Variants in CNKSR2 observed in about 807,000 individuals in gnomAD.
The protein encoded by CNKSR2 is CNK homolog protein 2.
Under a neutral mutation model 84.4 loss-of-function variants are expected in CNKSR2, and 14 were observed. The ratio of observed to expected loss-of-function variants is 0.17; its 90% confidence interval spans 0.11 to 0.26. The LOEUF (loss-of-function observed/expected upper bound fraction) is 0.26, where lower values mean the gene tolerates loss of function less well. Among genes scored for constraint, CNKSR2 ranks in the 10% least tolerant of loss-of-function variants. The probability of loss-of-function intolerance (pLI) is 1.00; values close to 1 mark genes in which losing one functional copy is unlikely to be tolerated. For synonymous variants in CNKSR2, 275 were observed against 277.9 expected (o/e 0.99, Z 0.10); for missense variants, 485 against 771.2 (o/e 0.63, Z 4.40).
intron 11 of CNKSR2, among the ~76,000 whole-genome samples, chrX:21,534,040 T>C (rs1237759563): frequency 9.1e-6 from 1 of 110,288 alleles, no homozygotes; most frequent in African/African-American, 3.3e-5. Context: ...ACTTCTCTCA[T>C]GTAGCTGTAA....
intron 5 of CNKSR2, among the ~76,000 whole-genome samples, chrX:21,479,143 A>G (rs938561095): frequency 9.0e-6 from 1 of 111,608 alleles, no homozygotes; most frequent in Admixed American, 9.5e-5. Context: ...GCTCTCACTT[A>G]TACGTGAGAA....
intron 1 of CNKSR2, among the ~76,000 whole-genome samples, chrX:21,419,853 C>G (rs982039195): frequency 8.9e-6 from 1 of 112,396 alleles, no homozygotes; most frequent in Non-Finnish European, 1.9e-5. Context: ...CTGAAGCCAA[C>G]ACAGCACTAC....
chrX:21,635,419 C>CAT (rs1491127062), intron 20 of CNKSR2, among the ~76,000 whole-genome samples: 2 of 98,608 alleles, frequency 2.0e-5, no homozygotes, highest in South Asian at 4.5e-4. Flanking sequence ...TATATATACA[C>CAT]ATATATATGT....
chrX:21,431,075 A>G (rs1452664576), intron 2 of CNKSR2, among the ~76,000 whole-genome samples: 2 of 112,056 alleles, frequency 1.8e-5, no homozygotes, highest in Non-Finnish European at 3.8e-5. Context: ...TTAAATCTGT[A>G]GTGGTAACAT....
chrX:21,420,192 G>A (rs1362105614), intron 1 of CNKSR2, among the ~76,000 whole-genome samples: 2 of 112,532 alleles, frequency 1.8e-5, no homozygotes, highest in Non-Finnish European at 3.8e-5. Flanking sequence ...CAAAACCATG[G>A]TAAGTAGTGC....
chrX:21,395,804 GA>G (rs2090113625), intron 1 of CNKSR2, among the ~76,000 whole-genome samples: 1 of 111,347 alleles, frequency 9.0e-6, no homozygotes, highest in Admixed American at 9.5e-5. Flanking sequence ...TGGGCCCTCT[GA>G]ATTTTTCAGT....
At chrX:21,562,699 G>A (rs1018364852) in intron 12 of CNKSR2, among the ~76,000 whole-genome samples, 2 of 111,137 alleles carry the variant, frequency 1.8e-5, no homozygotes, top group African/African-American at 3.3e-5. Flanking sequence ...TGATGGGGAG[G>A]GGAACCATGT....
chrX:21,521,427 T>C (rs1193026953), intron 9 of CNKSR2, among the ~76,000 whole-genome samples: 1 of 110,897 alleles, frequency 9.0e-6, no homozygotes, highest in Non-Finnish European at 1.9e-5. Context: ...CCACATGCTT[T>C]CAAGATTTTA....
At chrX:21,398,138 G>A (rs1401711900) in intron 1 of CNKSR2, among the ~76,000 whole-genome samples, 1 of 111,680 alleles carries the variant, frequency 9.0e-6, no homozygotes, top group African/African-American at 3.3e-5. Flanking sequence ...AGTAATTATA[G>A]CAGTGTGATA....
intron 13 of CNKSR2, among the ~76,000 whole-genome samples, chrX:21,565,279 C>G (rs946106624): frequency 1.1e-4 from 12 of 111,188 alleles, no homozygotes; most frequent in Non-Finnish European, 2.1e-4. Flanking sequence ...ATACTGTGTG[C>G]GGAAGGAAAG....
chrX:21,514,362 T>C (rs2091705531), intron 8 of CNKSR2, among the ~76,000 whole-genome samples: 1 of 112,038 alleles, frequency 8.9e-6, no homozygotes, highest in Non-Finnish European at 1.9e-5. Flanking sequence ...AATAAAAGGC[T>C]GATTTAAAAA....
intron 21 of CNKSR2, among the ~76,000 whole-genome samples, chrX:21,651,564 T>C (rs769643047): frequency 2.4e-4 from 27 of 111,906 alleles, no homozygotes; most frequent in African/African-American, 8.8e-4. Context: ...GCAGAACATT[T>C]TCTACACTTC....
chrX:21,480,348 A>G (rs956943414), intron 5 of CNKSR2, among the ~76,000 whole-genome samples: 10 of 111,899 alleles, frequency 8.9e-5, no homozygotes, highest in Non-Finnish European at 1.9e-4. Context: ...AAATTTCCAG[A>G]AGCTTATCTA....
chrX:21,437,653 C>T (rs1027640852), intron 3 of CNKSR2, among the ~76,000 whole-genome samples: 3 of 109,401 alleles, frequency 2.7e-5, no homozygotes, highest in African/African-American at 1.0e-4. Flanking sequence ...CTCCTGACCT[C>T]GTGATCCACC....
chrX:21,525,782 C>A (rs760545873), intron 9 of CNKSR2, among the ~76,000 whole-genome samples: 1 of 111,274 alleles, frequency 9.0e-6, no homozygotes, highest in African/African-American at 3.2e-5. Flanking sequence ...AACTGTGAGT[C>A]TATATAAATA....
At chrX:21,500,263 A>T (rs746500686) in intron 7 of CNKSR2, among the ~76,000 whole-genome samples, 1 of 111,279 alleles carries the variant, frequency 9.0e-6, no homozygotes, top group South Asian at 3.7e-4. Flanking sequence ...AAATAATTTT[A>T]TTGTGAATTT....
intron 17 of CNKSR2, among the ~76,000 whole-genome samples, chrX:21,597,400 C>T (rs900288225): frequency 1.8e-5 from 2 of 111,340 alleles, no homozygotes; most frequent in Admixed American, 9.6e-5. Flanking sequence ...TTAAAAAGGC[C>T]GTCTCCACAT....
At chrX:21,543,335 A>T (rs1279979396) in intron 11 of CNKSR2, among the ~76,000 whole-genome samples, 1 of 112,584 alleles carries the variant, frequency 8.9e-6, no homozygotes, top group Non-Finnish European at 1.9e-5. Context: ...AGTGATTCAA[A>T]GATGAAGAAA....
rs1397178320 is a variant in CNKSR2, at chrX:21,443,207, A to G, written c.519+2426A>G. 2.7e-5 allele frequency among the ~76,000 whole-genome samples: 3 copies of G among 111,711 alleles called. No individual in the cohort carries two copies. The East Asian group carries it at 8.4e-4, about 31-fold the overall frequency. ...GATGAGTGTAAAGTGAAAAACAAAGATGAAAATAATATTATTTACAAAAAT... is the reference window on the plus strand; with the variant it reads ...GATGAGTGTAAAGTGAAAAACAAAGGTGAAAATAATATTATTTACAAAAAT... On this transcript the variant is annotated intron_variant, in intron 4 of 21. Coordinates refer to ENST00000379510, the MANE Select transcript of CNKSR2 (RefSeq NM_014927.5).
Sources: gnomAD v4.1 joint callset for allele counts (sites outside exome capture counted in the v4.1 genomes callset) on GRCh38, gnomAD v4.1.1 for gene constraint, MANE v1.5 for transcripts, NCBI Gene and HGNC (gene_info 2026-07-23, HGNC 2026-07-21) for gene names.